The following EEF2K variants were observed in gnomAD, a reference collection of about 807,000 sequenced individuals.
EEF2K encodes eukaryotic elongation factor 2 kinase, also known as alternative protein EEF2K.
In EEF2K, 70 loss-of-function variants were observed where a neutral mutation model predicts 93.8. The observed-to-expected ratio is 0.75, with a 90% CI of 0.62 to 0.91. The LOEUF (loss-of-function observed/expected upper bound fraction) is 0.91, where lower values mean the gene tolerates loss of function less well. Ranked by LOEUF, EEF2K falls within the 40% of genes least tolerant of loss-of-function variation. EEF2K has a pLI of 0.00. For missense variants in EEF2K, 935 were observed against 972.9 expected (o/e 0.96, Z 0.52); for synonymous variants, 376 against 380.8 (o/e 0.99, Z 0.15).
At position 22,262,991 on chromosome 16, in the gene EEF2K, C is replaced by T. The variant is rs186774656; in HGVS notation, c.1300-119C>T. On this transcript the variant is annotated intron_variant, in intron 11 of 17. Transcript: ENST00000263026. ...CACACCCGGCAAGGGACAGCAGGAG[C>T]AGGGTGTTAGGTAATGGGACAGAGG... 2.2e-5 allele frequency: 18 copies of T among 830,336 alleles called. No homozygotes were observed. In the East Asian group the frequency reaches 6.1e-4, roughly 28 times the overall value. 51.4% of individuals were successfully genotyped at this position (830,336 alleles called of 1,614,324 possible). A position where few individuals can be genotyped will look rare whatever the true frequency, so the allele number is the denominator to read the frequency against.
intron 3 of EEF2K, among the ~76,000 whole-genome samples, chr16:22,244,986 G>A (rs1026623781): frequency 6.6e-6 from 1 of 152,154 alleles, no homozygotes; most frequent in African/African-American, 2.4e-5. Context: ...CTCTGGCCGG[G>A]TGAGGTGGCT....
At chr16:22,220,326 G>C (rs2142103135) in intron 1 of EEF2K, among the ~76,000 whole-genome samples, 1 of 152,292 alleles carries the variant, frequency 6.6e-6, no homozygotes, top group Middle Eastern at 3.4e-3. Flanking sequence ...GTCTGTGGTG[G>C]GACATGGCCG....
rs1555469266 is a variant in EEF2K, at chr16:22,226,517, C to CTTCTT, written c.246+544_246+545insCTTTT. Among the ~76,000 whole-genome samples, 79 of 106,878 alleles carry CTTCTT rather than the reference C, an allele frequency of 7.4e-4. 2 individuals are homozygous for CTTCTT. Among genetic ancestry groups the CTTCTT allele is most frequent in the African/African-American group, 2.5e-3 (60 of 23,650 alleles). The allele number at this position is 106,878 out of a possible 152,430, so 70.1% of individuals were successfully genotyped here. On this transcript the variant is annotated intron_variant, in intron 2 of 17. Transcript: ENST00000263026. ...CTTTTTCTTTCTTTTCCTTCTTCTT[C>CTTCTT]TTTTTTTTTTTTTTTATAAACGTGG... is the stretch of plus-strand genomic sequence containing the variant.
In EEF2K at chr16:22,283,954, C is replaced by T. The variant is rs768870202; in HGVS notation, c.2136C>T (p.Tyr712=). The T allele has an allele frequency of 1.3e-6, 2 of 1,594,570 alleles. No individual in the cohort carries two copies. ...TGAAGGGCCGACTGGCCAACCAGTACTACCAAAAGGCTGAAGAGGCCTGGG... is the reference window on the plus strand; with the variant it reads ...TGAAGGGCCGACTGGCCAACCAGTATTACCAAAAGGCTGAAGAGGCCTGGG... The part of the protein sequence containing the change: ...EAMKGRLANQ[Y]YQKAEEAWAQ... The change falls in exon 18 of 18, where the codon TAC becomes TAT. Residue 712 remains tyrosine (Y), a synonymous_variant. Coordinates refer to ENST00000263026, the MANE Select transcript of EEF2K (RefSeq NM_013302.5).
At chr16:22,216,240 A>C (rs2142100688) in intron 1 of EEF2K, among the ~76,000 whole-genome samples, 1 of 152,342 alleles carries the variant, frequency 6.6e-6, no homozygotes, top group East Asian at 1.9e-4. Context: ...AGCCAGGTGC[A>C]GCCCTCAACA....
At chr16:22,251,655 C>T (rs2047353553) in intron 6 of EEF2K, among the ~76,000 whole-genome samples, 1 of 152,066 alleles carries the variant, frequency 6.6e-6, no homozygotes, top group Admixed American at 6.6e-5. Flanking sequence ...GAACTCCTGA[C>T]CTCAAGTGAT....
chr16:22,232,416 G>A (rs889645240), intron 2 of EEF2K, among the ~76,000 whole-genome samples: 4 of 151,786 alleles, frequency 2.6e-5, no homozygotes, highest in Middle Eastern at 3.2e-3. Context: ...TTTTTGGAAC[G>A]ATGGGGTCTC....
At chr16:22,240,118 A>G (rs1322584190) in intron 2 of EEF2K, among the ~76,000 whole-genome samples, 1 of 152,030 alleles carries the variant, frequency 6.6e-6, no homozygotes, top group Non-Finnish European at 1.5e-5. Context: ...AAAAAAAAAA[A>G]AAAGGTACAG....
chr16:22,223,426 G>T (rs1258344726), intron 1 of EEF2K, among the ~76,000 whole-genome samples: 2 of 152,104 alleles, frequency 1.3e-5, no homozygotes, highest in African/African-American at 2.4e-5. Flanking sequence ...TTATAGGCAT[G>T]CACCACCACG....
intron 2 of EEF2K, among the ~76,000 whole-genome samples, chr16:22,231,425 T>G (rs974666197): frequency 3.9e-4 from 59 of 152,028 alleles, no homozygotes; most frequent in African/African-American, 1.4e-3. Flanking sequence ...CTGATCCTAT[T>G]TTTATTAAAA....
intron 16 of EEF2K, among the ~76,000 whole-genome samples, chr16:22,275,720 A>C (rs1023174917): frequency 6.6e-6 from 1 of 151,098 alleles, no homozygotes; most frequent in Non-Finnish European, 1.5e-5. Context: ...GGCTCACTGC[A>C]ATCTCCACCT....
intron 9 of EEF2K, 105 bp downstream of exon 9, chr16:22,257,875 C>A: frequency 6.7e-7 from 1 of 1,490,622 alleles, no homozygotes; most frequent in Non-Finnish European, 9.0e-7. Flanking sequence ...CAGTGCTTAA[C>A]TGATGAATAC....
chr16:22,280,417 G>A, intron 17 of EEF2K, 41 bp downstream of exon 17: 1 of 1,402,834 alleles, frequency 7.1e-7, no homozygotes, highest in Non-Finnish European at 9.3e-7. Flanking sequence ...CAACAGGGCT[G>A]GGCAGGGAGG....
intron 1 of EEF2K, among the ~76,000 whole-genome samples, chr16:22,214,528 G>C (rs952067109): frequency 1.6e-4 from 24 of 151,994 alleles, no homozygotes; most frequent in Non-Finnish European, 3.4e-4. Flanking sequence ...GCCAGATGTG[G>C]GTGGTATGCA....
chr16:22,274,443 CAA>C (rs755376945), intron 16 of EEF2K, among the ~76,000 whole-genome samples: 2,828 of 69,888 alleles, frequency 0.04, 37 homozygotes, highest in Middle Eastern at 0.15. Flanking sequence ...GATTCCCTCT[CAA>C]AAAAAAAAAA....
intron 2 of EEF2K, among the ~76,000 whole-genome samples, chr16:22,231,052 A>G (rs924570911): frequency 6.6e-6 from 1 of 152,112 alleles, no homozygotes; most frequent in Non-Finnish European, 1.5e-5. Flanking sequence ...TTATATATGT[A>G]GTTAAGTTAA....
In EEF2K at chr16:22,226,517, C is replaced by CTTCTTTTTTTTTTTTTTT. The variant is rs1555469266; in HGVS notation, c.246+544_246+545insCTTTTTTTTTTTTTTTTT. The stretch of plus-strand genomic sequence containing the variant: ...CTTTTTCTTTCTTTTCCTTCTTCTT[C>CTTCTTTTTTTTTTTTTTT]TTTTTTTTTTTTTTTATAAACGTGG... On this transcript the variant is annotated intron_variant, in intron 2 of 17. Transcript: ENST00000263026. Among the ~76,000 whole-genome samples the CTTCTTTTTTTTTTTTTTT allele has an allele frequency of 1.2e-4, 13 of 106,876 alleles. 1 individual carries two copies. Among genetic ancestry groups the CTTCTTTTTTTTTTTTTTT allele is most frequent in the East Asian group, 1.0e-3 (3 of 2,996 alleles). The allele number at this position is 106,876 out of a possible 152,430, so 70.1% of individuals were successfully genotyped here.
chr16:22,242,696 G>A (rs1463153722), intron 2 of EEF2K, among the ~76,000 whole-genome samples: 1 of 152,000 alleles, frequency 6.6e-6, no homozygotes, highest in African/African-American at 2.4e-5. Context: ...ATAGAGTTAG[G>A]GAAGGCCGGG....
chr16:22,252,333 T>C (rs746291691), intron 6 of EEF2K, among the ~76,000 whole-genome samples: 11 of 152,214 alleles, frequency 7.2e-5, no homozygotes, highest in Non-Finnish European at 1.5e-4. Flanking sequence ...GCCTGGGTGT[T>C]CTTCTGGGTT....
Sources: gnomAD v4.1 joint callset for allele counts (sites outside exome capture counted in the v4.1 genomes callset) on GRCh38, gnomAD v4.1.1 for gene constraint, MANE v1.5 for transcripts, NCBI Gene and HGNC (gene_info 2026-07-23, HGNC 2026-07-21) for gene names.